The following GCKR variants were observed in gnomAD, a reference collection of about 807,000 sequenced individuals.
GCKR encodes glucokinase regulatory protein.
Under a neutral mutation model 82.9 loss-of-function variants are expected in GCKR, and 73 were observed. The ratio of observed to expected loss-of-function variants is 0.88; its 90% CI spans 0.73 to 1.07. GCKR has a LOEUF of 1.07. Among genes scored for constraint, GCKR ranks in the 50% least tolerant of loss-of-function variants. The pLI, the probability that GCKR is intolerant of heterozygous loss-of-function variation, is 0.00. For synonymous variants in GCKR, 294 were observed against 291.8 expected (o/e 1.01, Z -0.08); for missense variants, 784 against 782.1 (o/e 1.00, Z -0.03).
In GCKR at chr2:27,508,013, T is replaced by C. The variant is rs1191072246; in HGVS notation, c.1277T>C (p.Val426Ala). The change falls in exon 15 of 19, where the codon GTG (valine) becomes GCG (alanine). Residue 426 changes from valine (V) to alanine (A), a missense_variant. By Grantham distance (64) the Val-to-Ala change is moderately conservative. Transcript: ENST00000264717. Reference sequence around the variant, plus strand: ...GAGGTGCAGACTATAGTGGAGCAGGTGAAAGAGAAGACCAACCACATCCAG... The same window carrying C: ...GAGGTGCAGACTATAGTGGAGCAGGCGAAAGAGAAGACCAACCACATCCAG... ...LTEVQTIVEQ[V>A]KEKTNHIQAL... 9 of 1,613,856 alleles carry C rather than the reference T, an allele frequency of 5.6e-6. No individual in the cohort carries two copies. Among genetic ancestry groups the C allele is most frequent in the Non-Finnish European group, 8.5e-7 (1 of 1,179,832 alleles).
chr2:27,523,169 G>T lies in GCKR; in HGVS notation c.1708-100G>T, dbSNP rs370741136. 265 of 964,988 alleles carry T rather than the reference G, an allele frequency of 2.7e-4. 1 individual carries two copies. The African/African-American group carries it at 3.8e-3, about 14-fold the overall frequency. 59.8% of individuals were successfully genotyped at this position (964,988 alleles called of 1,614,324 possible). A position where few individuals can be genotyped will look rare whatever the true frequency, so the allele number is the denominator to read the frequency against. On this transcript the variant is annotated intron_variant, in intron 18 of 18. Coordinates refer to ENST00000264717, the MANE Select transcript of GCKR (RefSeq NM_001486.4). ...CCACCTCGGCCTCCCAAAGTGCTGG[G>T]ATTACAGGCGTGAGCCACTGCGCCC...
intron 13 of GCKR, 72 bp from the exon 14 acceptor site, chr2:27,507,609 C>T: frequency 1.2e-6 from 1 of 834,618 alleles, no homozygotes; most frequent in South Asian, 1.3e-5. Flanking sequence ...CCTCCACGGC[C>T]CCCTTTAGTC....
Position 27,503,493 on chromosome 2 carries a change from TTG to T in GCKR, c.645-17_645-16del. 1.5e-6 allele frequency: 2 copies of T among 1,291,124 alleles called. No homozygotes were observed. Among genetic ancestry groups the T allele is most frequent in the Non-Finnish European group, 2.3e-6 (2 of 884,818 alleles). 80.0% of individuals were successfully genotyped at this position (1,291,124 alleles called of 1,614,324 possible). ...GATCCTCATAGACAATCTCCCCACCTTGTGTCTCTCTGGACCTCAGAAATGAC... is the reference window on the plus strand; with the variant it reads ...GATCCTCATAGACAATCTCCCCACCTTGTCTCTCTGGACCTCAGAAATGAC... On this transcript the variant is annotated intron_variant, in intron 8 of 18. Coordinates refer to ENST00000264717, the MANE Select transcript of GCKR (RefSeq NM_001486.4).
chr2:27,500,513 G>A (rs1669548893), intron 7 of GCKR, among the ~76,000 whole-genome samples: 1 of 152,214 alleles, frequency 6.6e-6, no homozygotes, highest in African/African-American at 2.4e-5. Flanking sequence ...TATAGCCATA[G>A]GGTTGAGTAG....
chr2:27,506,797 G>A lies in GCKR; in HGVS notation c.978G>A (p.Lys326=). The A allele has an allele frequency of 6.2e-7, 1 of 1,610,788 alleles. No individual in the cohort carries two copies. The highest frequency in any genetic ancestry group is 1.1e-5 in the South Asian group (1 of 91,030). ...TCTGACCCATTCTCAGTCTGGAGAA[G>A]AAAGGCCACGTGTACCTGGTTGGCT... The part of the protein sequence containing the change: ...LMKSVSTSLE[K]KGHVYLVGWQ... The change falls in exon 12 of 19, where the codon AAG becomes AAA. Residue 326 remains lysine, a synonymous_variant. Coordinates refer to ENST00000264717, the MANE Select transcript of GCKR (RefSeq NM_001486.4).
Position 27,508,083 on chromosome 2 carries a change from C to A in GCKR, c.1338+9C>A. 1 of 1,607,338 alleles carries A rather than the reference C, an allele frequency of 6.2e-7. No individual in the cohort carries two copies. Among genetic ancestry groups the A allele is most frequent in the South Asian group, 1.1e-5 (1 of 90,940 alleles). ...TGGGTCAGACCTTGCTGGTGAGAGTCCAGCCGTGACAAAGGGACCCAGGTG... is the reference window on the plus strand; with the variant it reads ...TGGGTCAGACCTTGCTGGTGAGAGTACAGCCGTGACAAAGGGACCCAGGTG... On this transcript the variant is annotated intron_variant, in intron 15 of 18. Coordinates refer to ENST00000264717, the MANE Select transcript of GCKR (RefSeq NM_001486.4).
At chr2:27,516,067 G>A (rs1001648332) in intron 16 of GCKR, among the ~76,000 whole-genome samples, 6 of 150,662 alleles carry the variant, frequency 4.0e-5, no homozygotes, top group African/African-American at 7.3e-5. Context: ...GTGAGCCACC[G>A]TGCCTGGCTC....
intron 11 of GCKR, 94 bp downstream of exon 11, chr2:27,506,673 C>G: frequency 9.1e-7 from 1 of 1,102,698 alleles, no homozygotes; most frequent in Non-Finnish European, 1.4e-6. Flanking sequence ...ACGGTATGGG[C>G]GATAGGATTG....
intron 16 of GCKR, among the ~76,000 whole-genome samples, chr2:27,513,824 T>A (rs1245025598): frequency 6.6e-6 from 1 of 152,200 alleles, no homozygotes; most frequent in Non-Finnish European, 1.5e-5. Context: ...CTTTTTTATA[T>A]CTTGCATTTT....
Position 27,510,797 on chromosome 2 carries a change from C to T in GCKR, c.1422+2546C>T, listed in dbSNP as rs527691071. On this transcript the variant is annotated intron_variant, in intron 16 of 18. Transcript: ENST00000264717. The stretch of plus-strand genomic sequence containing the variant: ...ATGTACTGCTTCTTGTCTTTTGGGT[C>T]TATTTACCCATTCTTTCTTTGGGGG... Among the ~76,000 whole-genome samples the T allele has an allele frequency of 7.9e-5, 12 of 151,408 alleles. No homozygotes were observed. In the East Asian group the frequency reaches 2.1e-3, roughly 27 times the overall value.
At chr2:27,522,651 C>T in intron 18 of GCKR, 57 bp downstream of exon 18, 1 of 1,479,148 alleles carries the variant, frequency 6.8e-7, no homozygotes, top group Non-Finnish European at 9.4e-7. Context: ...TTCAGTGTGT[C>T]AGGAAGTTTG....
At chr2:27,515,765 A>ATATATATATATT (rs1286679766) in intron 16 of GCKR, among the ~76,000 whole-genome samples, 1 of 106,920 alleles carries the variant, frequency 9.4e-6, no homozygotes, top group African/African-American at 3.8e-5. Flanking sequence ...ATATATATAT[A>ATATATATATATT]TTTTTTTTTT....
chr2:27,511,629 C>T (rs1669883821), intron 16 of GCKR, among the ~76,000 whole-genome samples: 1 of 151,646 alleles, frequency 6.6e-6, no homozygotes, highest in Non-Finnish European at 1.5e-5. Flanking sequence ...TTGCAGTAAG[C>T]TGAGAACGCA....
At chr2:27,502,542 C>A (rs540435196) in intron 8 of GCKR, among the ~76,000 whole-genome samples, 1 of 152,094 alleles carries the variant, frequency 6.6e-6, no homozygotes, top group Non-Finnish European at 1.5e-5. Context: ...GATTTGGATG[C>A]CCAGCTGTGT....
chr2:27,499,053 T>C, intron 5 of GCKR, 89 bp from the exon 6 acceptor site: 1 of 820,510 alleles, frequency 1.2e-6, no homozygotes, highest in South Asian at 1.4e-5. Flanking sequence ...GTTTTCCCTT[T>C]ATGCGCATCT....
intron 16 of GCKR, among the ~76,000 whole-genome samples, chr2:27,516,217 CAT>C (rs1670001023): frequency 6.6e-6 from 1 of 150,400 alleles, no homozygotes; most frequent in Admixed American, 6.6e-5. Flanking sequence ...GTGCTGGTAC[CAT>C]ATGTTTTAAT....
chr2:27,516,181 T>C (rs890519115), intron 16 of GCKR, among the ~76,000 whole-genome samples: 3 of 152,010 alleles, frequency 2.0e-5, no homozygotes, highest in Admixed American at 2.0e-4. Context: ...GACTTTCTAT[T>C]CTGTTCCACT....
At chr2:27,498,515 G>A (rs1359376612) in intron 4 of GCKR, among the ~76,000 whole-genome samples, 192 bp downstream of exon 4, 3 of 152,056 alleles carry the variant, frequency 2.0e-5, no homozygotes, top group African/African-American at 4.8e-5. Flanking sequence ...TCTGAGTCCC[G>A]CCAGTATGTT....
rs192792166 is a variant in GCKR, at chr2:27,519,388, G to A, written c.1572+451G>A. ...GCTATTTCAGCTCAGTGCAACCTCC[G>A]CCTCTGAGGTTCCATTGATTCTCCT... On this transcript the variant is annotated intron_variant, in intron 17 of 18. Coordinates refer to ENST00000264717, the MANE Select transcript of GCKR (RefSeq NM_001486.4). Among the ~76,000 whole-genome samples the A allele has an allele frequency of 5.3e-5, 8 of 151,216 alleles. No individual in the cohort carries two copies. In the East Asian group the frequency reaches 7.8e-4, roughly 15 times the overall value.
Sources: gnomAD v4.1 joint callset for allele counts (sites outside exome capture counted in the v4.1 genomes callset) on GRCh38, gnomAD v4.1.1 for gene constraint, MANE v1.5 for transcripts, NCBI Gene and HGNC (gene_info 2026-07-23, HGNC 2026-07-21) for gene names.